Variants in IGFL2 observed in about 807,000 individuals in gnomAD.
IGFL2 encodes the protein IGF like family member 2.
IGFL2 carries 7 observed loss-of-function variants against 13.9 expected under a neutral mutation model. The observed-to-expected ratio is 0.51, with a 90% CI of 0.29 to 0.95. The LOEUF (loss-of-function observed/expected upper bound fraction) is 0.95, where lower values mean the gene tolerates loss of function less well. IGFL2 is among the 40% of genes least tolerant of loss of function. The probability of loss-of-function intolerance (pLI) is 0.08; values close to 1 mark genes in which losing one functional copy is unlikely to be tolerated. For missense variants in IGFL2, 138 were observed against 147.8 expected, an observed-to-expected ratio of 0.93 and a Z score of 0.34; for synonymous variants, 55 against 55.8, an observed-to-expected ratio of 0.99 and a Z score of 0.07.
chr19:46,092,263 G>A, the IGFL2 span, among the ~76,000 whole-genome samples: 4 of 151,976 alleles, frequency 2.6e-5, no homozygotes, highest in Admixed American at 2.6e-4. Flanking sequence ...GGGCTCAAGC[G>A]ATTCTTCTGC....
the IGFL2 span, among the ~76,000 whole-genome samples, chr19:46,199,454 A>G: frequency 6.6e-6 from 1 of 152,178 alleles, no homozygotes; most frequent in African/African-American, 2.4e-5. Context: ...TGGCGGAGGC[A>G]TTGGACAGCT....
the IGFL2 span, among the ~76,000 whole-genome samples, chr19:46,083,591 C>G: frequency 2.0e-5 from 3 of 152,148 alleles, no homozygotes; most frequent in Non-Finnish European, 4.4e-5. Context: ...CAACATTTTT[C>G]AAGAAAATAT....
the IGFL2 span, among the ~76,000 whole-genome samples, chr19:46,187,445 T>C: frequency 6.9e-6 from 1 of 144,362 alleles, no homozygotes; most frequent in Non-Finnish European, 1.5e-5. Flanking sequence ...GCTGCTGGTG[T>C]GTGCTACCTG....
chr19:46,079,936 C>T, the IGFL2 span, among the ~76,000 whole-genome samples: 26 of 152,114 alleles, frequency 1.7e-4, no homozygotes, highest in Admixed American at 6.5e-5. Context: ...TCCTTGAGCC[C>T]TAAACACAGT....
the IGFL2 span, chr19:46,196,977 G>A: frequency 4.7e-6 from 1 of 213,708 alleles, no homozygotes; most frequent in South Asian, 9.2e-5. Flanking sequence ...CCCAGGCTGG[G>A]ACCCACCTGC....
rs572965136 is a variant in IGFL2, at chr19:46,157,638, G to A, written c.20-2777G>A. On this transcript the variant is annotated intron_variant, in intron 1 of 3. Transcript: ENST00000377693. ...GGAATAGGGGGAATTTCCTCAACTC[G>A]ATAAAGTCCATCTACAAAAACCCTA... 1.7e-3 allele frequency among the ~76,000 whole-genome samples: 252 copies of A among 152,196 alleles called. 2 individuals carry two copies. The highest frequency in any genetic ancestry group is 3.5e-3 in the Admixed American group (53 of 15,286).
upstream of IGFL2, among the ~76,000 whole-genome samples, chr19:46,139,169 A>G (rs977050890): frequency 2.0e-5 from 3 of 151,722 alleles, no homozygotes; most frequent in African/African-American, 7.3e-5. Flanking sequence ...CAGGGTTTCC[A>G]GCTTCCTCCC....
chr19:46,207,387 A>AT, the IGFL2 span: 10,553 of 143,290 alleles, frequency 0.074, 624 homozygotes, highest in East Asian at 0.18. Context: ...CCTAATTCAC[A>AT]TTTTTTTTTT....
At chr19:46,126,505 A>C in the IGFL2 span, among the ~76,000 whole-genome samples, 26 of 152,298 alleles carry the variant, frequency 1.7e-4, no homozygotes, top group Middle Eastern at 0.01. Flanking sequence ...TGTGCTAGGC[A>C]ATCCTTCTGT....
At chr19:46,099,972 C>T in the IGFL2 span, among the ~76,000 whole-genome samples, 4 of 152,178 alleles carry the variant, frequency 2.6e-5, no homozygotes, top group East Asian at 1.9e-4. Flanking sequence ...TCAGCTCCAT[C>T]GGGTCATTTA....
At chr19:46,079,364 G>T in the IGFL2 span, among the ~76,000 whole-genome samples, 2 of 152,220 alleles carry the variant, frequency 1.3e-5, no homozygotes, top group African/African-American at 4.8e-5. Flanking sequence ...TGGGCGTCAG[G>T]CCTCAAGAGT....
At chr19:46,200,668 A>C in the IGFL2 span, 2 of 151,512 alleles carry the variant, frequency 1.3e-5, no homozygotes, top group Non-Finnish European at 2.9e-5. Flanking sequence ...GGTGTGTGCC[A>C]CCATGCCCAG....
chr19:46,165,074 G>A (rs562936084), downstream of IGFL2, among the ~76,000 whole-genome samples: 3 of 152,166 alleles, frequency 2.0e-5, no homozygotes, highest in East Asian at 3.8e-4. Flanking sequence ...CCCTTGTACT[G>A]CTTAGTCAAG....
At chr19:46,106,961 G>A in the IGFL2 span, among the ~76,000 whole-genome samples, 3 of 152,256 alleles carry the variant, frequency 2.0e-5, no homozygotes, top group South Asian at 4.2e-4. Flanking sequence ...AAGGGTGGCA[G>A]TGAGGTGTGG....
At chr19:46,154,998 C>T (rs114070656) in intron 1 of IGFL2, among the ~76,000 whole-genome samples, 5,570 of 140,652 alleles carry the variant, frequency 0.04, 127 homozygotes, top group East Asian at 0.072. Flanking sequence ...TCTCCTGCAG[C>T]GATGTCTTTC....
the IGFL2 span, among the ~76,000 whole-genome samples, chr19:46,080,842 G>A: frequency 1.2e-4 from 19 of 152,218 alleles, no homozygotes; most frequent in African/African-American, 4.3e-4. Context: ...CTGACTCTCC[G>A]GGCAGGCTGC....
At chr19:46,187,794 T>G in the IGFL2 span, among the ~76,000 whole-genome samples, 1 of 145,964 alleles carries the variant, frequency 6.9e-6, no homozygotes, top group South Asian at 2.2e-4. Context: ...TTAACCCGTT[T>G]AAACCTGAGG....
the IGFL2 span, among the ~76,000 whole-genome samples, chr19:46,135,158 T>G: frequency 6.6e-6 from 1 of 152,238 alleles, no homozygotes; most frequent in Non-Finnish European, 1.5e-5. Flanking sequence ...GTTAACATCT[T>G]AAATGATCTT....
At chr19:46,094,386 G>A in the IGFL2 span, among the ~76,000 whole-genome samples, 8 of 152,110 alleles carry the variant, frequency 5.3e-5, no homozygotes, top group Non-Finnish European at 8.8e-5. Context: ...GATAAGCAAT[G>A]TATGAATATA....
Sources: allele counts gnomAD v4.1 joint callset (sites outside exome capture counted in the v4.1 genomes callset), GRCh38; gene constraint gnomAD v4.1.1; transcripts MANE v1.5; gene names NCBI Gene and HGNC (gene_info 2026-07-23, HGNC 2026-07-21).